Variants in USH1C observed in about 807,000 individuals in gnomAD.
USH1C encodes the protein USH1 protein network component harmonin.
USH1C carries 90 observed loss-of-function variants against 119.3 expected under a neutral mutation model. That is an observed-to-expected ratio of 0.75 (90% CI 0.64 to 0.90). USH1C has a LOEUF of 0.90. USH1C is among the 40% of genes least tolerant of loss of function. The pLI is 0.00. For missense variants in USH1C, 1,165 were observed against 1,167.7 expected, an observed-to-expected ratio of 1.00 and a Z score of 0.03; for synonymous variants, 465 against 443.3, an observed-to-expected ratio of 1.05 and a Z score of -0.62.
In USH1C at chr11:17,509,779, T is replaced by A. The variant is rs1312124960; in HGVS notation, c.1590A>T (p.Arg530Ser). The change falls in exon 18 of 27, where the codon AGA (arginine) becomes AGT (serine). Residue 530 changes from arginine (R) to serine (S), a missense_variant. Coordinates refer to ENST00000005226, the MANE Select transcript of USH1C (RefSeq NM_153676.4). ...PSVSPLAPPL[R>S]RFAGGLHLHT... ...GCAGGTGCAGTCCGCCTGCGAAGCGTCTCAAGGGTGGGGCCAGGGGAGACA... is the reference window on the plus strand; with the variant it reads ...GCAGGTGCAGTCCGCCTGCGAAGCGACTCAAGGGTGGGGCCAGGGGAGACA... 5 of 1,598,120 alleles carry A rather than the reference T, an allele frequency of 3.1e-6. No homozygotes were observed. The South Asian group carries it at 5.5e-5, about 18-fold the overall frequency.
rs17703528 is a variant in USH1C, at chr11:17,501,927, G to A, written c.2226+12C>T. Reference sequence around the variant, plus strand: ...GGGGTTACTTGTCCAGGAGAGAAGCGTCATCTCTTACCATAGAGTAGGGGT... The same window carrying A: ...GGGGTTACTTGTCCAGGAGAGAAGCATCATCTCTTACCATAGAGTAGGGGT... On this transcript the variant is annotated intron_variant, in intron 21 of 26. Coordinates refer to ENST00000005226, the MANE Select transcript of USH1C (RefSeq NM_153676.4). The A allele has an allele frequency of 0.06, 96,111 of 1,612,542 alleles. 4,178 individuals carry two copies. The highest frequency in any genetic ancestry group is 0.2 in the South Asian group (17,915 of 90,800).
chr11:17,509,351 A>G lies in USH1C; in HGVS notation c.2013+5T>C, dbSNP rs371038786. Reference sequence around the variant, plus strand: ...CAAACATAGCATGCAGAACAGGGACATTACCTTTGGGGTGGGTGGGAAGCT... The same window carrying G: ...CAAACATAGCATGCAGAACAGGGACGTTACCTTTGGGGTGGGTGGGAAGCT... On this transcript the variant is annotated splice_donor_5th_base_variant and intron_variant, in intron 18 of 26. Coordinates refer to ENST00000005226, the MANE Select transcript of USH1C (RefSeq NM_153676.4). The G allele has an allele frequency of 6.4e-5, 100 of 1,572,308 alleles. No individual in the cohort carries two copies. Among genetic ancestry groups the G allele is most frequent in the South Asian group, 1.1e-4 (9 of 84,654 alleles).
Position 17,498,144 on chromosome 11 carries a change from G to C in USH1C, c.2490+18C>G, listed in dbSNP as rs779818682. The C allele has an allele frequency of 1.9e-6, 3 of 1,608,608 alleles. No homozygotes were observed. The highest frequency in any genetic ancestry group is 1.7e-5 in the Admixed American group (1 of 59,984). ...CAGGCAGGTGAGGGAGGAAAGGAGGGAGGGGCCTTATTCTTACCCCGCCCT... is the reference window on the plus strand; with the variant it reads ...CAGGCAGGTGAGGGAGGAAAGGAGGCAGGGGCCTTATTCTTACCCCGCCCT... On this transcript the variant is annotated intron_variant, in intron 24 of 26. Transcript: ENST00000005226.
rs745758540 is a variant in USH1C at position 17,501,147 on chromosome 11, C to T, written c.2284G>A (p.Gly762Arg). The change falls in exon 23 of 27, where the codon GGA becomes AGA. Residue 762 changes from glycine to arginine, a missense_variant. By Grantham distance (125) the Gly-to-Arg change is moderately radical. Transcript: ENST00000005226. ...CCTTCCAGGGCCAGGTCTAAGGATC[C>T]CTCCTGGTTAGAGGAAAACAGGCCT... is the stretch of plus-strand genomic sequence containing the variant. ...DVRLLRIKKE[G>R]SLDLALEGGV... is the part of the protein sequence containing the mutation. 8 of 1,613,272 alleles carry T rather than the reference C, an allele frequency of 5.0e-6. No individual in the cohort carries two copies. The South Asian group carries it at 8.8e-5, about 18-fold the overall frequency.
chr11:17,510,593 A>G (rs572140517), intron 16 of USH1C, 72 bp from the exon 17 acceptor site: 1 of 1,130,404 alleles, frequency 8.8e-7, no homozygotes, highest in African/African-American at 1.5e-5. Context: ...TAGAAATAGC[A>G]TGAAAGCACT....
intron 8 of USH1C, 143 bp downstream of exon 8, chr11:17,526,204 C>CA (rs887719118): frequency 1.4e-6 from 1 of 727,544 alleles, no homozygotes; most frequent in Non-Finnish European, 2.4e-6. Context: ...CTGTATCTAA[C>CA]AAAAAAAGTA....
Position 17,521,114 on chromosome 11 carries a change from A to C in USH1C, c.1086-120T>G. 2.2e-6 allele frequency: 3 copies of C among 1,386,014 alleles called. No individual in the cohort carries two copies. The South Asian group carries it at 3.5e-5, about 16-fold the overall frequency. The allele number at this position is 1,386,014 out of a possible 1,614,324, so 85.9% of individuals were successfully genotyped here. A position where few individuals can be genotyped will look rare whatever the true frequency, so the allele number is the denominator to read the frequency against. The stretch of plus-strand genomic sequence containing the variant: ...CTCATGGTTCTAGTCATGATGAATC[A>C]AGCAAAGTCCCCGAGCTTGTATTCT... On this transcript the variant is annotated intron_variant, in intron 13 of 26. Transcript: ENST00000005226.
At chr11:17,519,671 A>G (rs912074833) in intron 14 of USH1C, among the ~76,000 whole-genome samples, 1 of 152,228 alleles carries the variant, frequency 6.6e-6, no homozygotes, top group African/African-American at 2.4e-5. Flanking sequence ...CATATCCTCA[A>G]CTGATACTGA....
chr11:17,532,593 C>A (rs999666452), intron 2 of USH1C, among the ~76,000 whole-genome samples: 1 of 152,194 alleles, frequency 6.6e-6, no homozygotes, highest in Admixed American at 6.5e-5. Flanking sequence ...AGCCACCTTG[C>A]CTGGCCCCAA....
chr11:17,496,070 C>G (rs983071992), intron 25 of USH1C, among the ~76,000 whole-genome samples: 1 of 150,710 alleles, frequency 6.6e-6, no homozygotes, highest in Admixed American at 6.6e-5. Flanking sequence ...GACTCAGAGA[C>G]AGGGATGAAG....
chr11:17,530,980 C>T (rs889226538), intron 4 of USH1C, among the ~76,000 whole-genome samples, 174 bp downstream of exon 4: 3 of 152,222 alleles, frequency 2.0e-5, no homozygotes, highest in Non-Finnish European at 2.9e-5. Context: ...CAATTGCCTG[C>T]GGCCTGATTT....
intron 1 of USH1C, 38 bp from the exon 2 acceptor site, chr11:17,533,360 A>T: frequency 3.6e-6 from 5 of 1,400,962 alleles, no homozygotes; most frequent in Non-Finnish European, 5.0e-6. Flanking sequence ...CTCCAGGCTC[A>T]GCACCCGCCC....
At chr11:17,502,198 G>A in intron 20 of USH1C, 1 of 555,550 alleles carries the variant, frequency 1.8e-6, no homozygotes. Context: ...GAAGACTTTA[G>A]AGGATCTTGA....
At chr11:17,501,295 C>T in intron 22 of USH1C, 145 bp from the exon 23 acceptor site, 2 of 1,043,320 alleles carry the variant, frequency 1.9e-6, no homozygotes, top group East Asian at 2.6e-5. Context: ...AAAACGCAGC[C>T]TTGGTGCCAA....
At chr11:17,511,837 G>A (rs1399036404) in intron 16 of USH1C, 65 bp downstream of exon 16, 1 of 1,555,018 alleles carries the variant, frequency 6.4e-7, no homozygotes, top group Non-Finnish European at 8.7e-7. Context: ...TCCTCTGGGA[G>A]CACATGGAGA....
At chr11:17,503,038 C>T (rs1849505589) in intron 20 of USH1C, among the ~76,000 whole-genome samples, 1 of 152,192 alleles carries the variant, frequency 6.6e-6, no homozygotes, top group African/African-American at 2.4e-5. Flanking sequence ...AGGTTCCGGG[C>T]ACAAGATGAG....
At chr11:17,541,386 T>C (rs1335155481) in intron 1 of USH1C, among the ~76,000 whole-genome samples, 1 of 152,254 alleles carries the variant, frequency 6.6e-6, no homozygotes, top group Non-Finnish European at 1.5e-5. Flanking sequence ...TTATTGCCTA[T>C]GTGAATAAAT....
chr11:17,501,896 G>A (rs1172181046), intron 21 of USH1C, 43 bp downstream of exon 21: 2 of 1,605,268 alleles, frequency 1.2e-6, no homozygotes, highest in East Asian at 2.2e-5. Flanking sequence ...ACACTGCCCT[G>A]TTCCTGGGGT....
At chr11:17,505,630 A>G (rs1051870519) in intron 19 of USH1C, among the ~76,000 whole-genome samples, 200 bp downstream of exon 19, 3 of 152,214 alleles carry the variant, frequency 2.0e-5, no homozygotes, top group African/African-American at 7.2e-5. Flanking sequence ...CAAGTGGGGA[A>G]CAGAAATTCC....
Sources: allele counts gnomAD v4.1 joint callset (sites outside exome capture counted in the v4.1 genomes callset), GRCh38; gene constraint gnomAD v4.1.1; transcripts MANE v1.5; gene names NCBI Gene and HGNC (gene_info 2026-07-23, HGNC 2026-07-21).